VPS13B: variants seen among roughly 807,000 people sequenced by gnomAD.
The protein encoded by VPS13B is intermembrane lipid transfer protein VPS13B.
Under a neutral mutation model 426.4 loss-of-function variants are expected in VPS13B, and 285 were observed. The ratio of observed to expected loss-of-function variants is 0.67; its 90% CI spans 0.61 to 0.74. The LOEUF (loss-of-function observed/expected upper bound fraction) is 0.74. VPS13B is among the 30% of genes least tolerant of loss of function. The pLI is 0.00. For synonymous variants in VPS13B, 1,676 were observed against 1,676.4 expected (o/e 1.00, Z 0.01); for missense variants, 4,537 against 4,782.6 (o/e 0.95, Z 1.51).
At chr8:99,374,306 A>T (rs905084955) in intron 19 of VPS13B, among the ~76,000 whole-genome samples, 1 of 151,744 alleles carries the variant, frequency 6.6e-6, no homozygotes, top group Non-Finnish European at 1.5e-5. Context: ...GATATATGTC[A>T]GTTTGGGAAA....
chr8:99,222,023 C>G (rs1359202194), intron 17 of VPS13B, among the ~76,000 whole-genome samples: 1 of 152,186 alleles, frequency 6.6e-6, no homozygotes, highest in Admixed American at 6.5e-5. Context: ...TTATCTACTG[C>G]TCTTGGCTCT....
chr8:99,529,897 C>G (rs1309340245), intron 30 of VPS13B, among the ~76,000 whole-genome samples: 3 of 152,174 alleles, frequency 2.0e-5, no homozygotes, highest in Non-Finnish European at 4.4e-5. Flanking sequence ...TGACCTTATC[C>G]TATACTTTAA....
chr8:99,672,202 C>A (rs1830743942), intron 35 of VPS13B, among the ~76,000 whole-genome samples: 1 of 151,956 alleles, frequency 6.6e-6, no homozygotes, highest in South Asian at 2.1e-4. Context: ...ATCTGTAGAT[C>A]AATAGCATGG....
chr8:99,815,877 G>T (rs943163450), intron 44 of VPS13B, among the ~76,000 whole-genome samples: 2 of 152,086 alleles, frequency 1.3e-5, no homozygotes, highest in South Asian at 4.1e-4. Context: ...TGTCACCCAG[G>T]GTGGAGTACA....
At chr8:99,359,937 G>T (rs1385831339) in intron 19 of VPS13B, among the ~76,000 whole-genome samples, 2 of 152,022 alleles carry the variant, frequency 1.3e-5, no homozygotes, top group Non-Finnish European at 2.9e-5. Flanking sequence ...CAAGTAACTG[G>T]GACTACAGGC....
intron 23 of VPS13B, among the ~76,000 whole-genome samples, chr8:99,456,537 T>C (rs1468469306): frequency 1.3e-5 from 2 of 152,328 alleles, no homozygotes; most frequent in African/African-American, 2.4e-5. Context: ...TTGAATATAT[T>C]GACATCATGT....
At chr8:99,569,587 A>C (rs992127408) in intron 31 of VPS13B, among the ~76,000 whole-genome samples, 2 of 152,100 alleles carry the variant, frequency 1.3e-5, no homozygotes, top group Admixed American at 1.3e-4. Context: ...GCAGTTTTTG[A>C]AGTGTGATTC....
At chr8:99,147,806 T>C in intron 13 of VPS13B, 35 bp from the exon 14 acceptor site, 2 of 1,312,884 alleles carry the variant, frequency 1.5e-6, no homozygotes, top group Non-Finnish European at 2.0e-6. Context: ...TATTTAAAAA[T>C]ATTCTTTATT....
chr8:99,099,451 A>C (rs1362422736), intron 4 of VPS13B, among the ~76,000 whole-genome samples: 1 of 152,228 alleles, frequency 6.6e-6, no homozygotes, highest in African/African-American at 2.4e-5. Context: ...CATCAAGATG[A>C]ATCAATTGCA....
intron 43 of VPS13B, among the ~76,000 whole-genome samples, chr8:99,788,169 G>C (rs1314422821): frequency 1.3e-5 from 2 of 150,668 alleles, no homozygotes; most frequent in Non-Finnish European, 1.5e-5. Context: ...GACCAGCCTG[G>C]GCAACATAAC....
rs1823928993 is a variant in VPS13B at position 99,545,641 on chromosome 8, C to T, written c.4746-10809C>T. Among the ~76,000 whole-genome samples the T allele has an allele frequency of 3.3e-5, 5 of 152,126 alleles. No individual in the cohort carries two copies. In the South Asian group the frequency reaches 1.0e-3, roughly 32 times the overall value. On this transcript the variant is annotated intron_variant, in intron 30 of 61. Coordinates refer to ENST00000357162, the MANE Select transcript of VPS13B (RefSeq NM_152564.5). The stretch of plus-strand genomic sequence containing the variant: ...CACGAAATTGTGTCAGATTTATATT[C>T]TCAATTGCTGAGTATAAGAGTTTCG...
intron 1 of VPS13B, 93 bp from the exon 2 acceptor site, chr8:99,013,667 T>G: frequency 8.2e-7 from 1 of 1,223,878 alleles, no homozygotes; most frequent in Non-Finnish European, 1.2e-6. Flanking sequence ...AACGGCCGCT[T>G]TGGTGGGGAC....
chr8:99,737,002 C>A (rs1209646323), intron 39 of VPS13B, among the ~76,000 whole-genome samples: 1 of 150,192 alleles, frequency 6.7e-6, no homozygotes, highest in Non-Finnish European at 1.5e-5. Context: ...GATTATTGAA[C>A]CTACAACTCT....
intron 3 of VPS13B, among the ~76,000 whole-genome samples, chr8:99,072,384 G>C (rs752500900): frequency 1.3e-5 from 2 of 152,138 alleles, no homozygotes; most frequent in South Asian, 4.1e-4. Flanking sequence ...CTGGCAGCTA[G>C]GGCCTGGAAT....
At chr8:99,629,696 GAGGCCCC>G (rs1409786500) in intron 33 of VPS13B, among the ~76,000 whole-genome samples, 1 of 152,178 alleles carries the variant, frequency 6.6e-6, no homozygotes, top group African/African-American at 2.4e-5. Context: ...GGTTAAAGAG[GAGGCCCC>G]AGCATTCTGG....
chr8:99,348,698 T>C (rs1283282028), intron 19 of VPS13B, among the ~76,000 whole-genome samples: 1 of 152,186 alleles, frequency 6.6e-6, no homozygotes, highest in Non-Finnish European at 1.5e-5. Context: ...TAAAGTACAA[T>C]CATTACTTAT....
At chr8:99,032,178 CAT>C (rs1842535108) in intron 2 of VPS13B, among the ~76,000 whole-genome samples, 2 of 152,204 alleles carry the variant, frequency 1.3e-5, no homozygotes, top group Admixed American at 6.5e-5. Flanking sequence ...TTTATGCTGA[CAT>C]GTGGAGTTTC....
At chr8:99,484,291 A>G (rs1820188120) in intron 25 of VPS13B, among the ~76,000 whole-genome samples, 1 of 152,140 alleles carries the variant, frequency 6.6e-6, no homozygotes, top group Admixed American at 6.5e-5. Flanking sequence ...TGGGTTATAA[A>G]GACAAGTAAT....
At chr8:99,612,580 C>T (rs948544297) in intron 33 of VPS13B, among the ~76,000 whole-genome samples, 4 of 152,138 alleles carry the variant, frequency 2.6e-5, no homozygotes, top group Non-Finnish European at 5.9e-5. Flanking sequence ...CATTGCTTCC[C>T]TTTGCCTGCT....
Sources: allele counts gnomAD v4.1 joint callset (sites outside exome capture counted in the v4.1 genomes callset), GRCh38; gene constraint gnomAD v4.1.1; transcripts MANE v1.5; gene names NCBI Gene and HGNC (gene_info 2026-07-23, HGNC 2026-07-21).